The following IPO11 variants were observed in gnomAD, a reference collection of about 807,000 sequenced individuals.
The protein encoded by IPO11 is importin 11.
A neutral mutation model predicts 143.2 loss-of-function variants in IPO11; 66 were observed. That is an observed-to-expected ratio of 0.46 (90% CI 0.38 to 0.57). IPO11 has a LOEUF of 0.57. IPO11 is among the 20% of genes least tolerant of loss of function. The pLI is 0.00. For synonymous variants in IPO11, 385 were observed against 377.8 expected (o/e 1.02, Z -0.22); for missense variants, 1,026 against 1,141.0 (o/e 0.90, Z 1.45).
intron 24 of IPO11, among the ~76,000 whole-genome samples, chr5:62,541,689 A>T (rs903792566): frequency 3.9e-5 from 6 of 152,186 alleles, no homozygotes; most frequent in African/African-American, 1.4e-4. Flanking sequence ...TCAAAAAAAA[A>T]AAGAAGAAAA....
Position 62,483,899 on chromosome 5 carries a change from A to G in IPO11, c.1022-111A>G, listed in dbSNP as rs1746303804. The stretch of plus-strand genomic sequence containing the variant: ...TTATAATAAAAATGAAAATTTATAC[A>G]CAAGTGTATCTTCTTCCCTGAGAGT... On this transcript the variant is annotated intron_variant, in intron 10 of 29. Coordinates refer to ENST00000325324, the MANE Select transcript of IPO11 (RefSeq NM_016338.5). 1.4e-5 allele frequency: 12 copies of G among 874,608 alleles called. 1 individual carries two copies. The South Asian group carries it at 2.1e-4, about 15-fold the overall frequency. 54.2% of individuals were successfully genotyped at this position (874,608 alleles called of 1,614,324 possible). A position where few individuals can be genotyped will look rare whatever the true frequency, so the allele number is the denominator to read the frequency against.
chr5:62,471,366 G>A (rs781500813), intron 7 of IPO11, among the ~76,000 whole-genome samples: 11 of 151,726 alleles, frequency 7.2e-5, no homozygotes, highest in Non-Finnish European at 1.3e-4. Flanking sequence ...TTTGATTGAA[G>A]TAATTGTTCT....
At chr5:62,545,082 A>T (rs892505196) in intron 24 of IPO11, among the ~76,000 whole-genome samples, 15 of 152,198 alleles carry the variant, frequency 9.9e-5, no homozygotes, top group Non-Finnish European at 1.8e-4. Context: ...TTCTTCACAG[A>T]ATTGGAAAAA....
At chr5:62,619,838 G>A (rs1328200774) in intron 29 of IPO11, among the ~76,000 whole-genome samples, 5 of 150,966 alleles carry the variant, frequency 3.3e-5, no homozygotes, top group African/African-American at 1.2e-4. Flanking sequence ...CAGCCTGGGT[G>A]ACAGGGCGAG....
intron 20 of IPO11, 95 bp from the exon 21 acceptor site, chr5:62,526,047 A>G (rs1269724360): frequency 2.8e-6 from 2 of 720,674 alleles, no homozygotes; most frequent in Non-Finnish European, 4.8e-6. Context: ...CATTTTTTTA[A>G]TTGGTTTTAG....
intron 22 of IPO11, among the ~76,000 whole-genome samples, chr5:62,533,842 G>A (rs1742640281): frequency 6.6e-6 from 1 of 151,904 alleles, no homozygotes. Flanking sequence ...GCTTGTGATT[G>A]TAGCTGCTCA....
At chr5:62,459,541 G>A (rs909782728) in intron 5 of IPO11, among the ~76,000 whole-genome samples, 2 of 151,300 alleles carry the variant, frequency 1.3e-5, no homozygotes, top group African/African-American at 2.4e-5. Context: ...AAGTGGAAGC[G>A]AATTTATACT....
rs559727178 is a variant in IPO11 at position 62,474,584 on chromosome 5, G to A, written c.757+120G>A. The A allele has an allele frequency of 1.5e-5, 11 of 722,290 alleles. No individual in the cohort carries two copies. In the South Asian group the frequency reaches 1.8e-4, roughly 12 times the overall value. 44.7% of individuals were successfully genotyped at this position (722,290 alleles called of 1,614,324 possible). ...AGATGCTTATTCATTAATAGCTTCTGTTGCACACTTATAAATCTAGAGAAA... is the reference window on the plus strand; with the variant it reads ...AGATGCTTATTCATTAATAGCTTCTATTGCACACTTATAAATCTAGAGAAA... On this transcript the variant is annotated intron_variant, in intron 8 of 29. Transcript: ENST00000325324.
In IPO11 at chr5:62,484,027, C is replaced by A; in HGVS notation, c.1039C>A (p.Leu347Ile). Residue 347 changes from leucine to isoleucine, a missense_variant, in exon 11 of 30, where the codon CTT becomes ATT. By Grantham distance (5) the Leu-to-Ile change is conservative. Transcript: ENST00000325324. The stretch of plus-strand genomic sequence containing the variant: ...TTTTCTAGATAGCAGCCCTGAAACT[C>A]TTGAAGCCCATAAGATTAAGATGGC... The part of the protein sequence containing the change: ...KNFEDSSPET[L>I]EAHKIKMAFF... 1 of 1,605,346 alleles carries A rather than the reference C, an allele frequency of 6.2e-7. No individual in the cohort carries two copies. Among genetic ancestry groups the A allele is most frequent in the South Asian group, 1.1e-5 (1 of 88,622 alleles).
chr5:62,604,045 T>G (rs547046522), intron 29 of IPO11, among the ~76,000 whole-genome samples: 1 of 152,332 alleles, frequency 6.6e-6, no homozygotes, highest in South Asian at 2.1e-4. Flanking sequence ...CTAGGTGTAT[T>G]GTAGGCTGTA....
intron 5 of IPO11, among the ~76,000 whole-genome samples, chr5:62,456,444 G>A (rs1745160069): frequency 6.6e-6 from 1 of 152,184 alleles, no homozygotes; most frequent in South Asian, 2.1e-4. Context: ...GAAGTTGGAA[G>A]TATGTTAAAG....
At chr5:62,441,370 G>A (rs914883007) in intron 2 of IPO11, among the ~76,000 whole-genome samples, 1 of 150,780 alleles carries the variant, frequency 6.6e-6, no homozygotes, top group Non-Finnish European at 1.5e-5. Context: ...GGCTAATTTT[G>A]TATTTTTATA....
At chr5:62,535,965 A>G (rs1404381280) in intron 22 of IPO11, among the ~76,000 whole-genome samples, 2 of 152,198 alleles carry the variant, frequency 1.3e-5, no homozygotes, top group Non-Finnish European at 2.9e-5. Flanking sequence ...TGAAACATGT[A>G]AAATAGCACA....
intron 16 of IPO11, among the ~76,000 whole-genome samples, chr5:62,496,230 G>A (rs1741147452): frequency 1.3e-5 from 2 of 151,690 alleles, no homozygotes; most frequent in Admixed American, 1.3e-4. Flanking sequence ...AAAGGTTGCA[G>A]TGAGCCGAGA....
At chr5:62,572,998 G>A (rs1219711886) in intron 27 of IPO11, among the ~76,000 whole-genome samples, 1 of 151,966 alleles carries the variant, frequency 6.6e-6, no homozygotes, top group Admixed American at 6.6e-5. Context: ...AATTATATAC[G>A]AACAAAATTT....
chr5:62,415,763 C>T (rs1430632564), intron 1 of IPO11, among the ~76,000 whole-genome samples: 4 of 152,182 alleles, frequency 2.6e-5, no homozygotes, highest in Non-Finnish European at 2.9e-5. Flanking sequence ...CCACCACGCC[C>T]GGCCCCCTCT....
chr5:62,513,734 G>A (rs1741884264), intron 19 of IPO11, among the ~76,000 whole-genome samples: 1 of 147,018 alleles, frequency 6.8e-6, no homozygotes, highest in African/African-American at 2.5e-5. Context: ...GTGGGGGGCT[G>A]ACCCCCACCT....
chr5:62,528,039 A>T (rs1211786553), intron 21 of IPO11, among the ~76,000 whole-genome samples: 1 of 152,214 alleles, frequency 6.6e-6, no homozygotes, highest in Non-Finnish European at 1.5e-5. Context: ...GGCACTTTGG[A>T]TATGGCATTC....
chr5:62,579,338 T>A, intron 27 of IPO11: 1 of 1,029,908 alleles, frequency 9.7e-7, no homozygotes, highest in Middle Eastern at 2.1e-4. Context: ...AGTTATAGTA[T>A]TATAAAAAAA....
Sources: allele counts gnomAD v4.1 joint callset (sites outside exome capture counted in the v4.1 genomes callset), GRCh38; gene constraint gnomAD v4.1.1; transcripts MANE v1.5; gene names NCBI Gene and HGNC (gene_info 2026-07-23, HGNC 2026-07-21).